RNF150: variants seen among roughly 807,000 people sequenced by gnomAD.
RNF150 encodes ring finger protein 150.
Under a neutral mutation model 39.3 loss-of-function variants are expected in RNF150, and 24 were observed. The observed-to-expected ratio is 0.61, with a 90% CI of 0.44 to 0.86. The LOEUF (loss-of-function observed/expected upper bound fraction) is 0.86. Among genes scored for constraint, RNF150 ranks in the 40% least tolerant of loss-of-function variants. The pLI, the probability that RNF150 is intolerant of heterozygous loss-of-function variation, is 0.00. For synonymous variants in RNF150, 255 were observed against 227.3 expected, an observed-to-expected ratio of 1.12 and a Z score of -1.10; for missense variants, 502 against 587.8, an observed-to-expected ratio of 0.85 and a Z score of 1.51.
intron 1 of RNF150, among the ~76,000 whole-genome samples, chr4:140,995,395 T>G (rs1217009453): frequency 6.6e-6 from 1 of 152,198 alleles, no homozygotes; most frequent in African/African-American, 2.4e-5. Context: ...GCAGTCATAT[T>G]TATAACCACT....
chr4:140,973,516 A>G (rs1377020178), intron 1 of RNF150, among the ~76,000 whole-genome samples: 2 of 150,788 alleles, frequency 1.3e-5, no homozygotes, highest in South Asian at 2.1e-4. Flanking sequence ...TTCTTCCTCC[A>G]TATTTCTTAT....
chr4:140,960,932 C>T (rs759632186), intron 2 of RNF150, among the ~76,000 whole-genome samples: 1 of 152,082 alleles, frequency 6.6e-6, no homozygotes, highest in Admixed American at 6.6e-5. Flanking sequence ...CTCATTCAAC[C>T]CTCACATCAA....
At chr4:141,169,760 G>T (rs1727667107) in intron 1 of RNF150, among the ~76,000 whole-genome samples, 1 of 151,298 alleles carries the variant, frequency 6.6e-6, no homozygotes. Flanking sequence ...TGTAATATTT[G>T]CCATTCTTTT....
intron 6 of RNF150, among the ~76,000 whole-genome samples, chr4:140,899,411 G>T (rs1055936124): frequency 4.6e-5 from 7 of 152,188 alleles, no homozygotes; most frequent in Admixed American, 4.6e-4. Flanking sequence ...TTTGTAGGCA[G>T]GCAGAGTCAC....
At chr4:140,949,674 A>AC (rs376036137) in intron 2 of RNF150, among the ~76,000 whole-genome samples, 13,932 of 104,340 alleles carry the variant, frequency 0.13, 732 homozygotes, top group Middle Eastern at 0.18. Context: ...TGCATACACT[A>AC]CCCCCCCCCA....
chr4:141,168,795 G>A (rs1055853063), intron 1 of RNF150, among the ~76,000 whole-genome samples: 1 of 152,148 alleles, frequency 6.6e-6, no homozygotes, highest in Non-Finnish European at 1.5e-5. Flanking sequence ...CGCCTGTCAG[G>A]GGGTGGGGAG....
chr4:141,062,270 G>A (rs1000154173), intron 1 of RNF150, among the ~76,000 whole-genome samples: 16 of 151,868 alleles, frequency 1.1e-4, no homozygotes, highest in Non-Finnish European at 1.5e-5. Context: ...TTTGTTTTAT[G>A]TCTGTATTAT....
intron 1 of RNF150, among the ~76,000 whole-genome samples, chr4:141,055,591 A>G (rs748665060): frequency 1.3e-4 from 20 of 152,174 alleles, no homozygotes; most frequent in Non-Finnish European, 2.5e-4. Context: ...AAGCACAGTT[A>G]AAGACAGACT....
chr4:141,048,567 G>A (rs1327882534), intron 1 of RNF150, among the ~76,000 whole-genome samples: 2 of 152,016 alleles, frequency 1.3e-5, no homozygotes, highest in Non-Finnish European at 2.9e-5. Flanking sequence ...CCTGTCTCTA[G>A]AGAAAAAATT....
At chr4:141,134,214 C>T (rs1475264494), upstream of RNF150, among the ~76,000 whole-genome samples, 2 of 152,118 alleles carry the variant, frequency 1.3e-5, no homozygotes, top group Non-Finnish European at 2.9e-5. Flanking sequence ...GTTTATAGTG[C>T]GCTCTCCAAC....
chr4:141,092,400 A>G (rs1189588395), intron 1 of RNF150, among the ~76,000 whole-genome samples: 1 of 152,150 alleles, frequency 6.6e-6, no homozygotes, highest in Non-Finnish European at 1.5e-5. Context: ...GGCATCAAGC[A>G]AAAGGGAAAT....
At chr4:141,045,934 G>A (rs1736558496) in intron 1 of RNF150, among the ~76,000 whole-genome samples, 2 of 152,122 alleles carry the variant, frequency 1.3e-5, no homozygotes, top group South Asian at 4.1e-4. Context: ...CAATATGTAT[G>A]CAATACATTT....
intron 1 of RNF150, among the ~76,000 whole-genome samples, chr4:141,202,895 AG>A (rs1209065153): frequency 1.3e-5 from 2 of 151,910 alleles, no homozygotes; most frequent in African/African-American, 4.8e-5. Context: ...CTTGCTATAA[AG>A]AATAGAGTGG....
chr4:141,128,260 C>T (rs994869492), intron 1 of RNF150, among the ~76,000 whole-genome samples: 2 of 152,180 alleles, frequency 1.3e-5, no homozygotes, highest in Admixed American at 6.5e-5. Context: ...AAACACTGTA[C>T]ATGCATTAAT....
intron 1 of RNF150, among the ~76,000 whole-genome samples, chr4:141,044,166 G>A (rs1222087879): frequency 1.3e-5 from 2 of 152,162 alleles, no homozygotes; most frequent in Non-Finnish European, 2.9e-5. Context: ...ACATTAGAGA[G>A]GATGCCTTCT....
chr4:141,153,959 G>A (rs1013139633), intron 1 of RNF150, among the ~76,000 whole-genome samples: 5 of 152,168 alleles, frequency 3.3e-5, no homozygotes, highest in Admixed American at 1.3e-4. Context: ...CCACTTATTA[G>A]TTGTCTGCTT....
At chr4:140,886,922 T>C (rs1383687759) in intron 6 of RNF150, among the ~76,000 whole-genome samples, 1 of 152,254 alleles carries the variant, frequency 6.6e-6, no homozygotes, top group Non-Finnish European at 1.5e-5. Flanking sequence ...CTAGAACTTT[T>C]ATACTTTTAG....
intron 1 of RNF150, among the ~76,000 whole-genome samples, chr4:141,058,617 C>T (rs1251517689): frequency 1.3e-5 from 2 of 152,116 alleles, no homozygotes; most frequent in Non-Finnish European, 2.9e-5. Context: ...AGCAATATCA[C>T]ATTAGACAAT....
In RNF150 at chr4:140,967,885, G is replaced by A. The variant is rs748898993; in HGVS notation, c.485-12C>T. ...GATGTCTTCTACACCTGTGGTAAGA[G>A]GGGAAGGAAGGGGCAATAAAGGTTA... On this transcript the variant is annotated splice_polypyrimidine_tract_variant and intron_variant, in intron 1 of 6. Coordinates refer to ENST00000515673, the MANE Select transcript of RNF150 (RefSeq NM_020724.2). 3.7e-6 allele frequency: 6 copies of A among 1,611,236 alleles called. No individual in the cohort carries two copies. The highest frequency in any genetic ancestry group is 1.7e-4 in the Middle Eastern group (1 of 6,040).
Sources: gnomAD v4.1 joint callset for allele counts (sites outside exome capture counted in the v4.1 genomes callset) on GRCh38, gnomAD v4.1.1 for gene constraint, MANE v1.5 for transcripts, NCBI Gene and HGNC (gene_info 2026-07-23, HGNC 2026-07-21) for gene names.